The following ANKEF1 variants were observed in gnomAD, a reference collection of about 807,000 sequenced individuals.
The protein encoded by ANKEF1 is ankyrin repeat and EF-hand domain containing 1.
Under a neutral mutation model 65.1 loss-of-function variants are expected in ANKEF1, and 43 were observed. The ratio of observed to expected loss-of-function variants is 0.66; its 90% CI spans 0.52 to 0.85. ANKEF1 has a LOEUF of 0.85. ANKEF1 is among the 40% of genes least tolerant of loss of function. The pLI is 0.00. For synonymous variants in ANKEF1, 316 were observed against 341.5 expected (o/e 0.93, Z 0.82); for missense variants, 934 against 952.9 (o/e 0.98, Z 0.26).
rs548643438 is a variant in ANKEF1 at position 10,048,603 on chromosome 20, A to G, written c.821-787A>G. ...AAAACATGGTCTGACTGCTTCTTCAAAGTCTTACTTATACATATACTTATT... is the reference window on the plus strand; with the variant it reads ...AAAACATGGTCTGACTGCTTCTTCAGAGTCTTACTTATACATATACTTATT... On this transcript the variant is annotated intron_variant, in intron 6 of 10. Transcript: ENST00000378392. Among the ~76,000 whole-genome samples the G allele has an allele frequency of 5.3e-5, 8 of 152,246 alleles. No individual in the cohort carries two copies. The South Asian group carries it at 1.7e-3, about 32-fold the overall frequency.
rs941040257 is a variant in ANKEF1, at chr20:10,049,299, C to T, written c.821-91C>T. 111 of 1,235,268 alleles carry T rather than the reference C, an allele frequency of 9.0e-5. 1 individual carries two copies. Among genetic ancestry groups the T allele is most frequent in the Non-Finnish European group, 1.1e-4 (101 of 880,682 alleles). 76.5% of individuals were successfully genotyped at this position (1,235,268 alleles called of 1,614,324 possible). The stretch of plus-strand genomic sequence containing the variant: ...TTGGGGACACATTTTTTACTAATCA[C>T]GAGAAATTAAGAAAACAGTTGGATG... On this transcript the variant is annotated intron_variant, in intron 6 of 10. Transcript: ENST00000378392.
chr20:10,047,702 G>A (rs929427449), intron 6 of ANKEF1, among the ~76,000 whole-genome samples: 2 of 152,176 alleles, frequency 1.3e-5, no homozygotes, highest in Admixed American at 1.3e-4. Context: ...CCTGAGTTCT[G>A]CAGCACCAGC....
At chr20:10,050,254 T>G in intron 7 of ANKEF1, 42 bp downstream of exon 7, 1 of 1,482,344 alleles carries the variant, frequency 6.7e-7, no homozygotes, top group Non-Finnish European at 9.1e-7. Context: ...TTCACGAGTC[T>G]TCACATTTCA....
Position 10,055,698 on chromosome 20 carries a change from C to T in ANKEF1, c.*38C>T, listed in dbSNP as rs1985112437. Reference sequence around the variant, plus strand: ...ATTTCTTGGGGTAAATGCTTTGAGGCCCAGGGACCAATCTTTGGAGAAAGT... The same window carrying T: ...ATTTCTTGGGGTAAATGCTTTGAGGTCCAGGGACCAATCTTTGGAGAAAGT... On this transcript the variant is annotated 3_prime_UTR_variant, in exon 11 of 11. Coordinates refer to ENST00000378392, the MANE Select transcript of ANKEF1 (RefSeq NM_022096.6). 1 of 1,606,674 alleles carries T rather than the reference C, an allele frequency of 6.2e-7. No homozygotes were observed. Among genetic ancestry groups the T allele is most frequent in the Non-Finnish European group, 8.5e-7 (1 of 1,173,976 alleles).
rs1746573136 is a variant in ANKEF1 at position 10,056,464 on chromosome 20, A to ATAGC, written c.*807_*808insCTAG. ...AGGCAGATAGACAGATATATAGATG[A>ATAGC]TAGATAGATAGATGATAGATAGATA... On this transcript the variant is annotated 3_prime_UTR_variant, in exon 11 of 11. Transcript: ENST00000378392. The ATAGC allele has an allele frequency of 6.9e-6, 1 of 145,072 alleles. No homozygotes were observed. Among genetic ancestry groups the ATAGC allele is most frequent in the Non-Finnish European group, 1.5e-5 (1 of 66,656 alleles). The allele number at this position is 145,072 out of a possible 1,614,324, so 9.0% of individuals were successfully genotyped here.
chr20:10,045,050 T>A (rs1984430891), intron 5 of ANKEF1, among the ~76,000 whole-genome samples: 1 of 152,256 alleles, frequency 6.6e-6, no homozygotes, highest in South Asian at 2.1e-4. Flanking sequence ...ACTATTTTTT[T>A]AAATTCTGAA....
At chr20:10,040,370 G>C (rs1012205472) in intron 3 of ANKEF1, among the ~76,000 whole-genome samples, 1 of 152,160 alleles carries the variant, frequency 6.6e-6, no homozygotes, top group Non-Finnish European at 1.5e-5. Context: ...ACTGTACATC[G>C]TTCCTAAAGG....
intron 8 of ANKEF1, among the ~76,000 whole-genome samples, chr20:10,052,861 CAT>C (rs1446211702): frequency 6.6e-6 from 1 of 151,454 alleles, no homozygotes; most frequent in Non-Finnish European, 1.5e-5. Context: ...TTTTAAGAAA[CAT>C]AGTAAAAAAA....
intron 3 of ANKEF1, among the ~76,000 whole-genome samples, chr20:10,042,632 C>A (rs1189132839): frequency 6.6e-6 from 1 of 152,200 alleles, no homozygotes; most frequent in East Asian, 1.9e-4. Context: ...ATCTAATTAG[C>A]CACTTGGCAT....
chr20:10,055,428 A>G (rs1221621831), intron 10 of ANKEF1, 74 bp from the exon 11 acceptor site: 4 of 1,349,234 alleles, frequency 3.0e-6, no homozygotes, highest in Non-Finnish European at 4.1e-6. Context: ...TGTATTGAAA[A>G]TTGTCTGGAT....
At chr20:10,047,874 A>T (rs1751236185) in intron 6 of ANKEF1, among the ~76,000 whole-genome samples, 1 of 152,226 alleles carries the variant, frequency 6.6e-6, no homozygotes, top group Admixed American at 6.5e-5. Context: ...AGTCTTTTAT[A>T]CACATGGAAG....
intron 3 of ANKEF1, 141 bp downstream of exon 3, chr20:10,038,788 C>T: frequency 3.1e-6 from 2 of 642,432 alleles, no homozygotes; most frequent in East Asian, 5.5e-5. Flanking sequence ...CACTCCTATA[C>T]CTAAACCTAC....
chr20:10,049,220 G>A (rs1984688352), intron 6 of ANKEF1, among the ~76,000 whole-genome samples, 170 bp from the exon 7 acceptor site: 1 of 152,050 alleles, frequency 6.6e-6, no homozygotes, highest in African/African-American at 2.4e-5. Context: ...AAAAATCACA[G>A]CTCAATTTTG....
intron 3 of ANKEF1, among the ~76,000 whole-genome samples, chr20:10,042,307 T>G (rs1338651758): frequency 6.6e-6 from 1 of 152,210 alleles, no homozygotes; most frequent in African/African-American, 2.4e-5. Flanking sequence ...GCTTTCAGTA[T>G]CAGTTTCCTT....
chr20:10,053,370 C>T, intron 9 of ANKEF1, 95 bp downstream of exon 9: 8 of 1,108,616 alleles, frequency 7.2e-6, no homozygotes, highest in South Asian at 1.6e-5. Flanking sequence ...TGTTATACAA[C>T]ATGGGTAAGA....
chr20:10,038,028 T>C lies in ANKEF1; in HGVS notation c.-44-230T>C, dbSNP rs369146007. On this transcript the variant is annotated intron_variant, in intron 2 of 10. Coordinates refer to ENST00000378392, the MANE Select transcript of ANKEF1 (RefSeq NM_022096.6). ...TGATGAGGAGGGAAGGTTAAATGGA[T>C]AATAAGAAAACCACCTGGCAAACTA... Among the ~76,000 whole-genome samples the C allele has an allele frequency of 3.9e-5, 6 of 152,182 alleles. No individual in the cohort carries two copies. The East Asian group carries it at 9.6e-4, about 24-fold the overall frequency.
chr20:10,041,272 G>A (rs983917094), intron 3 of ANKEF1, among the ~76,000 whole-genome samples: 1 of 151,276 alleles, frequency 6.6e-6, no homozygotes, highest in Non-Finnish European at 1.5e-5. Context: ...TAAAATTGAT[G>A]GGCTTTTTAG....
intron 3 of ANKEF1, among the ~76,000 whole-genome samples, chr20:10,041,990 A>G (rs1247598484): frequency 6.6e-6 from 1 of 152,126 alleles, no homozygotes; most frequent in Non-Finnish European, 1.5e-5. Context: ...ATTATACTGT[A>G]GCATTGAATG....
intron 2 of ANKEF1, among the ~76,000 whole-genome samples, chr20:10,037,905 TTGCTGG>T (rs1399725714): frequency 6.6e-6 from 1 of 152,208 alleles, no homozygotes. Context: ...TCTCTCTATT[TTGCTGG>T]TGTGAAACCA....
Sources: allele counts gnomAD v4.1 joint callset (sites outside exome capture counted in the v4.1 genomes callset), GRCh38; gene constraint gnomAD v4.1.1; transcripts MANE v1.5; gene names NCBI Gene and HGNC (gene_info 2026-07-23, HGNC 2026-07-21).